Variants in PPARG observed in about 807,000 individuals in gnomAD.
The protein encoded by PPARG is peroxisome proliferator-activated receptor gamma.
A neutral mutation model predicts 39.2 loss-of-function variants in PPARG; 17 were observed. The observed-to-expected ratio is 0.43, with a 90% CI of 0.30 to 0.65. The LOEUF (loss-of-function observed/expected upper bound fraction) is 0.65, where lower values mean the gene tolerates loss of function less well. Among genes scored for constraint, PPARG ranks in the 30% least tolerant of loss-of-function variants. PPARG has a pLI of 0.13. For synonymous variants in PPARG, 223 were observed against 215.7 expected (o/e 1.03, Z -0.30); for missense variants, 406 against 585.9 (o/e 0.69, Z 3.17).
chr3:12,339,601 G>C (rs1253151232), intron 2 of PPARG, among the ~76,000 whole-genome samples: 1 of 152,128 alleles, frequency 6.6e-6, no homozygotes, highest in Non-Finnish European at 1.5e-5. Flanking sequence ...ACTTTTAGTG[G>C]AACCAAAGAA....
At chr3:12,310,307 C>T (rs908717853) in intron 1 of PPARG, among the ~76,000 whole-genome samples, 1 of 152,062 alleles carries the variant, frequency 6.6e-6, no homozygotes, top group Non-Finnish European at 1.5e-5. Context: ...GAAGAAATAC[C>T]TATGTATTTC....
chr3:12,332,518 T>C (rs2125050311), intron 2 of PPARG, among the ~76,000 whole-genome samples: 1 of 152,136 alleles, frequency 6.6e-6, no homozygotes, highest in East Asian at 1.9e-4. Flanking sequence ...GTGTTAAGGG[T>C]TTTTAATAGT....
At chr3:12,359,956 G>A (rs1197329108) in intron 2 of PPARG, among the ~76,000 whole-genome samples, 1 of 152,066 alleles carries the variant, frequency 6.6e-6, no homozygotes, top group Non-Finnish European at 1.5e-5. Flanking sequence ...GCAGATGTGA[G>A]CCACTATGCC....
At chr3:12,395,508 C>A (rs1258580082) in intron 5 of PPARG, among the ~76,000 whole-genome samples, 1 of 152,126 alleles carries the variant, frequency 6.6e-6, no homozygotes, top group African/African-American at 2.4e-5. Context: ...TACAGCTCTT[C>A]AGAAGGAACT....
chr3:12,339,770 A>G (rs956922044), intron 2 of PPARG, among the ~76,000 whole-genome samples: 8 of 152,214 alleles, frequency 5.3e-5, no homozygotes, highest in African/African-American at 1.9e-4. Context: ...TCTTGCACAC[A>G]TGAGAGTCGC....
intron 2 of PPARG, among the ~76,000 whole-genome samples, chr3:12,338,098 A>C (rs996031835): frequency 6.6e-6 from 1 of 152,236 alleles, no homozygotes; most frequent in Non-Finnish European, 1.5e-5. Flanking sequence ...ACCAGATCTT[A>C]GATCCTAAAC....
At chr3:12,417,187 G>A (rs1156709416) in intron 7 of PPARG, 33 bp downstream of exon 7, 2 of 1,605,342 alleles carry the variant, frequency 1.2e-6, no homozygotes, top group Non-Finnish European at 1.7e-6. Context: ...CTATGAAAGA[G>A]GGTGGGATGA....
rs1323488030 is a variant in PPARG, at chr3:12,434,308, A to G, written c.*163A>G. The G allele has an allele frequency of 3.2e-6, 3 of 923,776 alleles. No homozygotes were observed. Among genetic ancestry groups the G allele is most frequent in the Non-Finnish European group, 4.9e-6 (3 of 613,994 alleles). 57.2% of individuals were successfully genotyped at this position (923,776 alleles called of 1,614,324 possible). On this transcript the variant is annotated 3_prime_UTR_variant, in exon 8 of 8. Coordinates refer to ENST00000651735, the MANE Select transcript of PPARG (RefSeq NM_138711.6). This position sits in a 1 kb window ranked among gnomAD's most constrained non-coding sequence, Gnocchi z 4.2. ...TATTGTTTATAAAGACACATTTACA[A>G]TTTACTTTTAATATTAAAAATTACC...
chr3:12,404,410 A>G (rs920202071), intron 5 of PPARG, among the ~76,000 whole-genome samples: 2 of 152,218 alleles, frequency 1.3e-5, no homozygotes, highest in Non-Finnish European at 2.9e-5. Flanking sequence ...CTTCTTGGGA[A>G]AATCCAAGGT....
intron 2 of PPARG, among the ~76,000 whole-genome samples, chr3:12,370,162 A>G (rs1185369822): frequency 6.6e-6 from 1 of 152,024 alleles, no homozygotes; most frequent in Non-Finnish European, 1.5e-5. Context: ...GATTTGGATG[A>G]GTCTAAAATT....
At chr3:12,354,075 A>G (rs751499240) in intron 2 of PPARG, among the ~76,000 whole-genome samples, 1 of 152,178 alleles carries the variant, frequency 6.6e-6, no homozygotes, top group Non-Finnish European at 1.5e-5. Flanking sequence ...CTGAGATAGG[A>G]GTGAGTGATT....
At chr3:12,298,761 A>G (rs908243507) in intron 1 of PPARG, among the ~76,000 whole-genome samples, 17 of 152,206 alleles carry the variant, frequency 1.1e-4, no homozygotes, top group Admixed American at 1.1e-3. Flanking sequence ...GTTTATGGGT[A>G]AAAGAACCTC....
chr3:12,320,896 G>A (rs528210902), intron 2 of PPARG, among the ~76,000 whole-genome samples: 1 of 152,180 alleles, frequency 6.6e-6, no homozygotes, highest in Non-Finnish European at 1.5e-5. Context: ...GAAAAGAGAA[G>A]AGAAGACTAA....
At chr3:12,433,463 G>A (rs930083978) in intron 7 of PPARG, among the ~76,000 whole-genome samples, 17 of 151,704 alleles carry the variant, frequency 1.1e-4, no homozygotes, top group Non-Finnish European at 2.1e-4. Flanking sequence ...GCTTGATCCC[G>A]GGAGGCATAG....
At chr3:12,401,524 A>C (rs1244389944) in intron 5 of PPARG, among the ~76,000 whole-genome samples, 1 of 152,146 alleles carries the variant, frequency 6.6e-6, no homozygotes, top group Non-Finnish European at 1.5e-5. Flanking sequence ...TGAGGTAGAT[A>C]GGTACAATTA....
At chr3:12,350,123 A>G (rs1045429227) in intron 2 of PPARG, among the ~76,000 whole-genome samples, 1 of 152,214 alleles carries the variant, frequency 6.6e-6, no homozygotes, top group Admixed American at 6.5e-5. Context: ...ATTTCCAAGC[A>G]TGGGGAGGAA....
chr3:12,343,861 A>ATG (rs2048253404), intron 2 of PPARG, among the ~76,000 whole-genome samples: 1 of 131,066 alleles, frequency 7.6e-6, no homozygotes, highest in Admixed American at 7.7e-5. Flanking sequence ...ATCTCACCGA[A>ATG]TTTTTTTTTT....
intron 2 of PPARG, among the ~76,000 whole-genome samples, chr3:12,339,133 A>T (rs553727402): frequency 3.0e-4 from 45 of 152,318 alleles, no homozygotes; most frequent in African/African-American, 1.1e-3. Context: ...GACACATGCC[A>T]CAACCTGAAC....
chr3:12,332,138 A>G (rs2047879941), intron 2 of PPARG, among the ~76,000 whole-genome samples: 3 of 152,228 alleles, frequency 2.0e-5, no homozygotes, highest in African/African-American at 7.2e-5. Flanking sequence ...TGTACAGTGT[A>G]TACATTGTTC....
Sources: allele counts gnomAD v4.1 joint callset (sites outside exome capture counted in the v4.1 genomes callset), GRCh38; gene constraint gnomAD v4.1.1; non-coding constraint Gnocchi (gnomAD v3.1); transcripts MANE v1.5; gene names NCBI Gene and HGNC (gene_info 2026-07-23, HGNC 2026-07-21).